Variants in CRYBG1 observed in about 807,000 individuals in gnomAD.
CRYBG1 encodes the protein beta/gamma crystallin domain-containing protein 1.
In CRYBG1, 139 loss-of-function variants were observed where a neutral mutation model predicts 189.2. That is an observed-to-expected ratio of 0.73 (90% CI 0.64 to 0.85). CRYBG1 has a LOEUF of 0.85. CRYBG1 is among the 40% of genes least tolerant of loss of function. CRYBG1 has a pLI of 0.00. For synonymous variants in CRYBG1, 1,023 were observed against 1,017.1 expected (o/e 1.01, Z -0.11); for missense variants, 2,611 against 2,675.8 (o/e 0.98, Z 0.53).
At chr6:106,505,242 G>A (rs1358569662) in intron 2 of CRYBG1, among the ~76,000 whole-genome samples, 4 of 152,024 alleles carry the variant, frequency 2.6e-5, no homozygotes, top group East Asian at 1.9e-4. Flanking sequence ...CTACAGGCAC[G>A]TGCCACCACA....
At chr6:106,370,450 G>A (rs1770000811) in intron 1 of CRYBG1, among the ~76,000 whole-genome samples, 1 of 152,154 alleles carries the variant, frequency 6.6e-6, no homozygotes, top group South Asian at 2.1e-4. Context: ...GCTGCTCCTG[G>A]CTGCTCTAAC....
At chr6:106,459,942 T>C (rs1771971033) in intron 2 of CRYBG1, among the ~76,000 whole-genome samples, 1 of 152,234 alleles carries the variant, frequency 6.6e-6, no homozygotes. Flanking sequence ...AATATTTTCA[T>C]TTTGCCAACC....
At chr6:106,446,922 G>T (rs1177436740) in intron 1 of CRYBG1, among the ~76,000 whole-genome samples, 1 of 152,160 alleles carries the variant, frequency 6.6e-6, no homozygotes, top group Non-Finnish European at 1.5e-5. Context: ...GGGCAATCTG[G>T]TTTTTTAAAG....
chr6:106,391,007 C>A (rs75235821), intron 1 of CRYBG1, among the ~76,000 whole-genome samples: 1 of 152,134 alleles, frequency 6.6e-6, no homozygotes, highest in East Asian at 1.9e-4. Flanking sequence ...GACTGTTTTC[C>A]GAAGTGATTG....
chr6:106,425,130 C>G (rs1771201900), intron 1 of CRYBG1, among the ~76,000 whole-genome samples: 1 of 152,126 alleles, frequency 6.6e-6, no homozygotes, highest in African/African-American at 2.4e-5. Context: ...CTGGCTCTTT[C>G]CAGACCCTTA....
chr6:106,496,477 C>T lies in CRYBG1; in HGVS notation c.313-14953C>T, dbSNP rs370113670. 2.2e-4 allele frequency among the ~76,000 whole-genome samples: 33 copies of T among 152,058 alleles called. 1 individual carries two copies. The highest frequency in any genetic ancestry group is 1.9e-3 in the East Asian group (10 of 5,184). ...AGAAATCGTAACAGAATTAATACCT[C>T]GTGACTTAAAACCTTTTTTGAAACA... On this transcript the variant is annotated intron_variant, in intron 2 of 21. Coordinates refer to ENST00000633556, the MANE Select transcript of CRYBG1 (RefSeq NM_001371242.2).
intron 2 of CRYBG1, among the ~76,000 whole-genome samples, chr6:106,495,688 G>A (rs890219895): frequency 6.6e-6 from 1 of 151,770 alleles, no homozygotes; most frequent in Non-Finnish European, 1.5e-5. Context: ...AATATTACAG[G>A]TAATCATTAA....
chr6:106,518,011 C>T (rs1007179846), intron 3 of CRYBG1, among the ~76,000 whole-genome samples: 4 of 152,086 alleles, frequency 2.6e-5, no homozygotes, highest in Non-Finnish European at 4.4e-5. Context: ...GACGGTACAT[C>T]CATATGATGG....
chr6:106,366,594 T>G (rs1373102023), intron 1 of CRYBG1, among the ~76,000 whole-genome samples: 1 of 152,198 alleles, frequency 6.6e-6, no homozygotes, highest in Non-Finnish European at 1.5e-5. Context: ...TAGACTTTGG[T>G]GTTGGGCAGA....
intron 2 of CRYBG1, among the ~76,000 whole-genome samples, chr6:106,478,115 A>C (rs1175690577): frequency 1.3e-5 from 2 of 152,226 alleles, no homozygotes; most frequent in African/African-American, 2.4e-5. Flanking sequence ...GGTTTCCACC[A>C]CTGCTCCTTT....
chr6:106,368,568 C>T (rs1459190134), intron 1 of CRYBG1, among the ~76,000 whole-genome samples: 1 of 152,090 alleles, frequency 6.6e-6, no homozygotes, highest in Non-Finnish European at 1.5e-5. Flanking sequence ...TTTACAGTTG[C>T]CTTAAAACAT....
At chr6:106,400,087 G>A (rs1770692921) in intron 1 of CRYBG1, among the ~76,000 whole-genome samples, 1 of 141,066 alleles carries the variant, frequency 7.1e-6, no homozygotes, top group South Asian at 2.3e-4. Context: ...AGTGAGCTGA[G>A]TTCGTGGCAC....
At chr6:106,547,211 C>CACAG (rs1774285039) in intron 13 of CRYBG1, among the ~76,000 whole-genome samples, 1 of 25,344 alleles carries the variant, frequency 3.9e-5, no homozygotes, top group South Asian at 3.9e-3. Flanking sequence ...CACACACACA[C>CACAG]ACCACTTCCT....
intron 2 of CRYBG1, among the ~76,000 whole-genome samples, chr6:106,495,819 TA>T (rs3040745): frequency 0.13 from 16,253 of 128,314 alleles, 950 homozygotes; most frequent in Middle Eastern, 0.17. Flanking sequence ...TTTCCTTGAG[TA>T]AAAAAAAAAA....
At chr6:106,403,427 G>T (rs1427438765) in intron 1 of CRYBG1, among the ~76,000 whole-genome samples, 1 of 152,204 alleles carries the variant, frequency 6.6e-6, no homozygotes, top group African/African-American at 2.4e-5. Flanking sequence ...TGGGATCATG[G>T]GTTGTGCAAG....
intron 2 of CRYBG1, among the ~76,000 whole-genome samples, chr6:106,474,911 C>T (rs1344394849): frequency 6.6e-6 from 1 of 152,124 alleles, no homozygotes; most frequent in Non-Finnish European, 1.5e-5. Flanking sequence ...GGTATGTGAG[C>T]TTCCACTTAT....
At chr6:106,375,385 TTAAGTAAGTAAG>T (rs3067978) in intron 1 of CRYBG1, among the ~76,000 whole-genome samples, 13 of 145,094 alleles carry the variant, frequency 9.0e-5, no homozygotes, top group African/African-American at 3.3e-4. Flanking sequence ...GGCCCTGTCT[TTAAGTAAGTAAG>T]TAAGTAAGTA....
At chr6:106,523,175 C>A (rs1193132291) in intron 4 of CRYBG1, among the ~76,000 whole-genome samples, 1 of 152,136 alleles carries the variant, frequency 6.6e-6, no homozygotes, top group Non-Finnish European at 1.5e-5. Flanking sequence ...GTTTTGACCC[C>A]ATGGACTACC....
rs1774532826 is a variant in CRYBG1 at position 106,555,915 on chromosome 6, A to C, written c.5715+18A>C. 1 of 1,614,118 alleles carries C rather than the reference A, an allele frequency of 6.2e-7. No individual in the cohort carries two copies. The highest frequency in any genetic ancestry group is 8.5e-7 in the Non-Finnish European group (1 of 1,179,948). The stretch of plus-strand genomic sequence containing the variant: ...TAGATGTTGTAAGTATGTCATTGTG[A>C]ATAGTGTTGCAGAAATGTATGCCTC... On this transcript the variant is annotated intron_variant, in intron 17 of 21. Transcript: ENST00000633556.
Sources: gnomAD v4.1 joint callset for allele counts (sites outside exome capture counted in the v4.1 genomes callset) on GRCh38, gnomAD v4.1.1 for gene constraint, MANE v1.5 for transcripts, NCBI Gene and HGNC (gene_info 2026-07-23, HGNC 2026-07-21) for gene names.